Variants in WDFY2 observed in about 807,000 individuals in gnomAD.
WDFY2 encodes WD repeat and FYVE domain-containing protein 2.
A neutral mutation model predicts 56.4 loss-of-function variants in WDFY2; 36 were observed. That is an observed-to-expected ratio of 0.64 (90% confidence interval 0.49 to 0.84). The LOEUF is 0.84. Ranked by LOEUF, WDFY2 falls within the 40% of genes least tolerant of loss-of-function variation. The probability of loss-of-function intolerance (pLI) is 0.00; values close to 1 mark genes in which losing one functional copy is unlikely to be tolerated. For missense variants in WDFY2, 444 were observed against 512.2 expected (o/e 0.87, Z 1.29); for synonymous variants, 176 against 183.7 (o/e 0.96, Z 0.34).
At chr13:51,639,201 T>G (rs1440362455) in intron 1 of WDFY2, among the ~76,000 whole-genome samples, 1 of 152,152 alleles carries the variant, frequency 6.6e-6, no homozygotes, top group Non-Finnish European at 1.5e-5. Flanking sequence ...CTTTGATATA[T>G]CAAGGAACAT....
intron 1 of WDFY2, among the ~76,000 whole-genome samples, chr13:51,647,545 G>A (rs763721053): frequency 9.2e-5 from 14 of 152,038 alleles, no homozygotes; most frequent in East Asian, 1.9e-4. Context: ...ACTTGAGGCC[G>A]GGAGTTCCAT....
intron 3 of WDFY2, among the ~76,000 whole-genome samples, chr13:51,692,590 G>T (rs915324373): frequency 2.0e-5 from 3 of 152,172 alleles, no homozygotes; most frequent in Non-Finnish European, 4.4e-5. Flanking sequence ...GCTGGATTCG[G>T]TTTGCCAGTA....
At chr13:51,725,954 C>T (rs1177950828) in intron 5 of WDFY2, among the ~76,000 whole-genome samples, 1 of 152,150 alleles carries the variant, frequency 6.6e-6, no homozygotes, top group Non-Finnish European at 1.5e-5. Context: ...GGATTACAGG[C>T]ATGAGCCACT....
intron 1 of WDFY2, among the ~76,000 whole-genome samples, chr13:51,616,825 T>C (rs1954626824): frequency 6.6e-6 from 1 of 152,246 alleles, no homozygotes; most frequent in Admixed American, 6.5e-5. Flanking sequence ...TGAGTTACCA[T>C]ATGTAAAGCT....
chr13:51,703,482 C>T (rs9568657), intron 3 of WDFY2, 114 bp from the exon 4 acceptor site: 1 of 743,184 alleles, frequency 1.3e-6, no homozygotes, highest in Non-Finnish European at 2.2e-6. Flanking sequence ...GGGCAAAATA[C>T]TAATGTTGGA....
At chr13:51,734,935 G>A (rs146151305) in intron 6 of WDFY2, among the ~76,000 whole-genome samples, 149 of 152,196 alleles carry the variant, frequency 9.8e-4, no homozygotes, top group Non-Finnish European at 1.6e-3. Flanking sequence ...TTGAAGCCCT[G>A]GGCTCTGCCC....
At chr13:51,634,270 T>C (rs1337282794) in intron 1 of WDFY2, among the ~76,000 whole-genome samples, 1 of 152,064 alleles carries the variant, frequency 6.6e-6, no homozygotes, top group Non-Finnish European at 1.5e-5. Flanking sequence ...AAGTGTTTTT[T>C]TTTTTTCAGA....
chr13:51,680,290 T>C (rs1046851657), intron 3 of WDFY2, among the ~76,000 whole-genome samples: 1 of 152,048 alleles, frequency 6.6e-6, no homozygotes, highest in Non-Finnish European at 1.5e-5. Context: ...TTTTCGTAGA[T>C]GGGGTCTCAC....
intron 3 of WDFY2, among the ~76,000 whole-genome samples, chr13:51,687,486 C>A (rs1956079924): frequency 6.6e-6 from 1 of 151,840 alleles, no homozygotes; most frequent in African/African-American, 2.4e-5. Flanking sequence ...GAGCAGAAGC[C>A]TTGAAGGTTG....
intron 3 of WDFY2, among the ~76,000 whole-genome samples, chr13:51,701,941 G>T (rs1335238576): frequency 6.6e-6 from 1 of 152,170 alleles, no homozygotes; most frequent in African/African-American, 2.4e-5. Flanking sequence ...CTAGTGAATT[G>T]TTGCTTAGGC....
chr13:51,737,348 T>G (rs978920146), intron 6 of WDFY2, among the ~76,000 whole-genome samples: 1 of 152,170 alleles, frequency 6.6e-6, no homozygotes, highest in African/African-American at 2.4e-5. Flanking sequence ...TATGCCTGTT[T>G]AATCTGCCAA....
chr13:51,681,440 C>T (rs148720791), intron 3 of WDFY2, among the ~76,000 whole-genome samples: 9 of 152,150 alleles, frequency 5.9e-5, no homozygotes, highest in South Asian at 2.1e-4. Flanking sequence ...GAAATGTGTG[C>T]GTGGAATCTA....
chr13:51,757,224 CATTG>C (rs1376989285), intron 10 of WDFY2, among the ~76,000 whole-genome samples: 15 of 152,120 alleles, frequency 9.9e-5, no homozygotes, highest in Admixed American at 2.0e-4. Context: ...CATTTATGTT[CATTG>C]ATTATTTTCT....
intron 8 of WDFY2, among the ~76,000 whole-genome samples, chr13:51,752,068 A>T (rs1953250947): frequency 6.6e-6 from 1 of 152,222 alleles, no homozygotes; most frequent in South Asian, 2.1e-4. Context: ...TCCCTTTGAC[A>T]ATGCACATTC....
intron 1 of WDFY2, among the ~76,000 whole-genome samples, chr13:51,599,067 C>T (rs1239718905): frequency 6.6e-6 from 1 of 152,082 alleles, no homozygotes; most frequent in African/African-American, 2.4e-5. Flanking sequence ...CGCTACCATG[C>T]CCAGCTAATT....
chr13:51,671,608 A>G (rs1226837527), intron 2 of WDFY2, among the ~76,000 whole-genome samples: 2 of 150,178 alleles, frequency 1.3e-5, no homozygotes, highest in Non-Finnish European at 2.9e-5. Flanking sequence ...GATTCTGCAT[A>G]TTAGTCCTTT....
intron 4 of WDFY2, among the ~76,000 whole-genome samples, chr13:51,705,209 G>T (rs957313297): frequency 3.3e-5 from 5 of 152,194 alleles, no homozygotes; most frequent in Admixed American, 2.0e-4. Context: ...CCAGTACTAT[G>T]TAAGAGAGTT....
intron 3 of WDFY2, among the ~76,000 whole-genome samples, chr13:51,699,079 G>A (rs953170301): frequency 1.6e-4 from 25 of 152,278 alleles, no homozygotes; most frequent in African/African-American, 6.0e-4. Flanking sequence ...TCCACCCTGA[G>A]GCCAAAGCCC....
chr13:51,756,643 A>G (rs1179209480), intron 10 of WDFY2, 181 bp downstream of exon 10: 8 of 985,182 alleles, frequency 8.1e-6, no homozygotes, highest in Non-Finnish European at 9.6e-6. Context: ...CTGTGAGATG[A>G]GAGAAGAGAA....
Sources: allele counts gnomAD v4.1 joint callset (sites outside exome capture counted in the v4.1 genomes callset), GRCh38; gene constraint gnomAD v4.1.1; transcripts MANE v1.5; gene names NCBI Gene and HGNC (gene_info 2026-07-23, HGNC 2026-07-21).